Variants in NT5DC1 observed in about 807,000 individuals in gnomAD.
NT5DC1 encodes the protein 5'-nucleotidase domain containing 1, also known as 5'-nucleotidase domain-containing protein 1.
In NT5DC1, 42 loss-of-function variants were observed where a neutral mutation model predicts 59.4. The ratio of observed to expected loss-of-function variants is 0.71; its 90% CI spans 0.55 to 0.92. The LOEUF (loss-of-function observed/expected upper bound fraction) is 0.92, where lower values mean the gene tolerates loss of function less well. NT5DC1 is among the 40% of genes least tolerant of loss of function. The probability of loss-of-function intolerance (pLI) is 0.00; values close to 1 mark genes in which losing one functional copy is unlikely to be tolerated. For synonymous variants in NT5DC1, 172 were observed against 188.1 expected, an observed-to-expected ratio of 0.91 and a Z score of 0.70; for missense variants, 501 against 537.1, an observed-to-expected ratio of 0.93 and a Z score of 0.66.
intron 8 of NT5DC1, among the ~76,000 whole-genome samples, chr6:116,229,696 G>A (rs898209914): frequency 6.6e-6 from 1 of 152,204 alleles, no homozygotes; most frequent in Non-Finnish European, 1.5e-5. Flanking sequence ...GAGGGAACGT[G>A]TCAGCCTTGT....
intron 6 of NT5DC1, among the ~76,000 whole-genome samples, chr6:116,182,829 T>C (rs2114477491): frequency 6.6e-6 from 1 of 152,256 alleles, no homozygotes; most frequent in East Asian, 1.9e-4. Context: ...TTTTCCCCAC[T>C]CTGTGGGTTG....
In NT5DC1 at chr6:116,108,701, G is replaced by A. The variant is rs140569090; in HGVS notation, c.257+266G>A. ...CAATAGAAAGTTTATAACCTGCTAC[G>A]TCTCATTGACCACTCCTTCTGGCAA... is the stretch of plus-strand genomic sequence containing the variant. On this transcript the variant is annotated intron_variant, in intron 3 of 11. Transcript: ENST00000319550. Among the ~76,000 whole-genome samples the A allele has an allele frequency of 2.6e-3, 400 of 152,220 alleles. 11 individuals carry two copies. In the South Asian group the frequency reaches 0.044, roughly 17 times the overall value.
At position 116,244,452 on chromosome 6, in the gene NT5DC1, G is replaced by C. The variant is rs967804095; in HGVS notation, c.*428G>C. 1.3e-5 allele frequency: 2 copies of C among 152,990 alleles called. No individual in the cohort carries two copies. Among genetic ancestry groups the C allele is most frequent in the Admixed American group, 1.3e-4 (2 of 15,398 alleles). The allele number at this position is 152,990 out of a possible 1,614,324, so 9.5% of individuals were successfully genotyped here. ...TCTGAGAGTAAGGCCTACCAATCTG[G>C]TTTAACAAGCCCGTCAGGTGATTCT... On this transcript the variant is annotated 3_prime_UTR_variant, in exon 12 of 12. Transcript: ENST00000319550.
In NT5DC1 at chr6:116,248,403, T is replaced by C. The variant is rs560720035; in HGVS notation, c.*4379T>C. 6.6e-6 allele frequency: 1 copy of C among 152,332 alleles called. No individual in the cohort carries two copies. Among genetic ancestry groups the C allele is most frequent in the South Asian group, 2.1e-4 (1 of 4,832 alleles). The allele number at this position is 152,332 out of a possible 1,614,324, so 9.4% of individuals were successfully genotyped here. On this transcript the variant is annotated 3_prime_UTR_variant, in exon 12 of 12. Transcript: ENST00000319550. ...CAAGATCAAATATCCATGTCTTAAA[T>C]TGTGATTCTCTAGGACAGGGACTCA...
chr6:116,140,713 T>G (rs928340207), intron 6 of NT5DC1, among the ~76,000 whole-genome samples: 48 of 152,254 alleles, frequency 3.2e-4, no homozygotes, highest in Admixed American at 2.5e-3. Context: ...GTTTTTAAAT[T>G]ATATATTTAA....
chr6:116,156,113 T>C (rs984265391), intron 6 of NT5DC1, among the ~76,000 whole-genome samples: 8 of 152,184 alleles, frequency 5.3e-5, no homozygotes, highest in Non-Finnish European at 8.8e-5. Flanking sequence ...AGGTCAATAA[T>C]ACATATTTTC....
intron 6 of NT5DC1, among the ~76,000 whole-genome samples, chr6:116,210,799 A>G (rs1364934695): frequency 6.6e-6 from 1 of 152,110 alleles, no homozygotes; most frequent in Non-Finnish European, 1.5e-5. Context: ...GAACAGAAAC[A>G]CAGGTAAAAA....
intron 6 of NT5DC1, among the ~76,000 whole-genome samples, chr6:116,157,250 A>T (rs1780218993): frequency 6.6e-6 from 1 of 152,140 alleles, no homozygotes; most frequent in Non-Finnish European, 1.5e-5. Flanking sequence ...ATATCTCTTG[A>T]GTTAATTACA....
chr6:116,201,103 T>C (rs1319358105), intron 6 of NT5DC1, among the ~76,000 whole-genome samples: 1 of 151,940 alleles, frequency 6.6e-6, no homozygotes, highest in Non-Finnish European at 1.5e-5. Context: ...GCCCAAGAGG[T>C]ACTGCACCTA....
intron 6 of NT5DC1, among the ~76,000 whole-genome samples, chr6:116,160,380 T>A (rs1582843437): frequency 1.3e-5 from 2 of 152,326 alleles, no homozygotes; most frequent in East Asian, 3.9e-4. Context: ...ATGTTGAGCA[T>A]TTTCCATATG....
intron 1 of NT5DC1, among the ~76,000 whole-genome samples, chr6:116,104,236 C>T (rs1294713996): frequency 2.0e-5 from 3 of 152,172 alleles, no homozygotes; most frequent in Non-Finnish European, 4.4e-5. Context: ...CTTTTCTCTG[C>T]TTCTTTTCCT....
Position 116,247,716 on chromosome 6 carries a change from A to C in NT5DC1, c.*3692A>C, listed in dbSNP as rs955120514. 1 of 152,208 alleles carries C rather than the reference A, an allele frequency of 6.6e-6. No homozygotes were observed. The highest frequency in any genetic ancestry group is 2.4e-5 in the African/African-American group (1 of 41,452). 9.4% of individuals were successfully genotyped at this position (152,208 alleles called of 1,614,324 possible). Reference sequence around the variant, plus strand: ...ATGTTGTTTCCTTGGTAAAGATCAAAGTTGAATAAAGCTTAACAAAGTTTA... The same window carrying C: ...ATGTTGTTTCCTTGGTAAAGATCAACGTTGAATAAAGCTTAACAAAGTTTA... On this transcript the variant is annotated 3_prime_UTR_variant, in exon 12 of 12. Transcript: ENST00000319550.
At chr6:116,191,908 C>T (rs1781126626) in intron 6 of NT5DC1, among the ~76,000 whole-genome samples, 1 of 152,122 alleles carries the variant, frequency 6.6e-6, no homozygotes, top group East Asian at 1.9e-4. Flanking sequence ...TAAATCAAAT[C>T]AGTTTTGCTG....
intron 10 of NT5DC1, 74 bp downstream of exon 10, chr6:116,238,422 T>C: frequency 5.0e-6 from 5 of 998,030 alleles, no homozygotes; most frequent in Non-Finnish European, 6.8e-6. Context: ...TTTATACTAC[T>C]TGACTCCAAA....
chr6:116,110,904 C>T lies in NT5DC1; in HGVS notation c.312C>T (p.Gly104=), dbSNP rs1778862731. ...MTPEVLAEAY[G]KKEWKHFLSD... is the part of the protein sequence containing the mutation. ...CAGAGGTGCTGGCAGAGGCATATGG[C>T]AAGAAAGAGTGGAAGCACTTCTTGT... Residue 104 remains glycine (G), a synonymous_variant, in exon 4 of 12, where the codon GGC becomes GGT. Transcript: ENST00000319550. 4 of 1,614,088 alleles carry T rather than the reference C, an allele frequency of 2.5e-6. No individual in the cohort carries two copies. Among genetic ancestry groups the T allele is most frequent in the Non-Finnish European group, 3.4e-6 (4 of 1,179,936 alleles).
chr6:116,189,731 A>G (rs1461090738), intron 6 of NT5DC1, among the ~76,000 whole-genome samples: 2 of 151,992 alleles, frequency 1.3e-5, no homozygotes, highest in Admixed American at 6.6e-5. Flanking sequence ...TGAAAAAAAA[A>G]TGATTTTAAT....
chr6:116,204,617 T>G (rs1278910566), intron 6 of NT5DC1, among the ~76,000 whole-genome samples: 1 of 152,004 alleles, frequency 6.6e-6, no homozygotes, highest in Non-Finnish European at 1.5e-5. Context: ...TTAACATTTA[T>G]AAGCCCTAAA....
At chr6:116,161,556 C>G (rs1390168109) in intron 6 of NT5DC1, among the ~76,000 whole-genome samples, 1 of 151,940 alleles carries the variant, frequency 6.6e-6, no homozygotes, top group African/African-American at 2.4e-5. Flanking sequence ...GGCTTTATTT[C>G]TGGGTTCTCT....
At chr6:116,235,103 T>C (rs1782091356) in intron 8 of NT5DC1, among the ~76,000 whole-genome samples, 1 of 150,834 alleles carries the variant, frequency 6.6e-6, no homozygotes, top group Non-Finnish European at 1.5e-5. Flanking sequence ...TATAATACTA[T>C]GGATTTTTTT....
Sources: allele counts gnomAD v4.1 joint callset (sites outside exome capture counted in the v4.1 genomes callset), GRCh38; gene constraint gnomAD v4.1.1; transcripts MANE v1.5; gene names NCBI Gene and HGNC (gene_info 2026-07-23, HGNC 2026-07-21).